Variants in SLC24A2 observed in about 807,000 individuals in gnomAD.
The protein encoded by SLC24A2 is sodium/potassium/calcium exchanger 2.
In SLC24A2, 36 loss-of-function variants were observed where a neutral mutation model predicts 62.0. The ratio of observed to expected loss-of-function variants is 0.58; its 90% CI spans 0.44 to 0.77. SLC24A2 has a LOEUF of 0.77. SLC24A2 is among the 30% of genes least tolerant of loss of function. SLC24A2 has a pLI of 0.00. For synonymous variants in SLC24A2, 358 were observed against 294.0 expected (o/e 1.22, Z -2.23); for missense variants, 846 against 817.9 (o/e 1.03, Z -0.42).
At chr9:19,535,374 A>G (rs1307549223) in intron 8 of SLC24A2, among the ~76,000 whole-genome samples, 1 of 152,156 alleles carries the variant, frequency 6.6e-6, no homozygotes, top group Admixed American at 6.5e-5. Context: ...CCAGTTGCCA[A>G]TTTTGGCTTT....
the SLC24A2 span, among the ~76,000 whole-genome samples, chr9:19,800,640 T>TA: frequency 0.04 from 6,126 of 152,274 alleles, 430 homozygotes; most frequent in African/African-American, 0.14. Flanking sequence ...ACAGTACTAC[T>TA]ACATTTACTG....
the SLC24A2 span, among the ~76,000 whole-genome samples, chr9:19,868,940 T>C: frequency 6.6e-6 from 1 of 152,116 alleles, no homozygotes; most frequent in Non-Finnish European, 1.5e-5. Context: ...GCTTTTTGAG[T>C]GGGTGTTTAG....
chr9:20,054,394 G>A, the SLC24A2 span, among the ~76,000 whole-genome samples: 1 of 152,066 alleles, frequency 6.6e-6, no homozygotes. Context: ...GTTTCACCAT[G>A]TTGGCCAGGC....
the SLC24A2 span, among the ~76,000 whole-genome samples, chr9:20,256,589 C>T: frequency 2.0e-5 from 3 of 152,154 alleles, no homozygotes; most frequent in South Asian, 4.1e-4. Context: ...CTCTTCTTCA[C>T]CTTTCTAATC....
the SLC24A2 span, among the ~76,000 whole-genome samples, chr9:20,251,721 C>A: frequency 3.9e-5 from 6 of 152,078 alleles, no homozygotes; most frequent in Non-Finnish European, 1.5e-5. Flanking sequence ...TCTTTGAAAC[C>A]AGAGATTTAG....
the SLC24A2 span, among the ~76,000 whole-genome samples, chr9:19,953,919 CTAG>C: frequency 6.6e-6 from 1 of 151,724 alleles, no homozygotes; most frequent in Admixed American, 6.6e-5. Flanking sequence ...TTATCCTGAG[CTAG>C]TAGTTTTCAC....
the SLC24A2 span, among the ~76,000 whole-genome samples, chr9:20,133,758 TTTAATTCAGGAAAATAA>T: frequency 6.6e-6 from 1 of 152,158 alleles, no homozygotes; most frequent in Non-Finnish European, 1.5e-5. Flanking sequence ...GGGTAAGTGG[TTTAATTCAGGAAAATAA>T]AACAAACAAC....
At chr9:19,953,578 C>T in the SLC24A2 span, among the ~76,000 whole-genome samples, 16 of 152,068 alleles carry the variant, frequency 1.1e-4, no homozygotes, top group Non-Finnish European at 1.9e-4. Flanking sequence ...TTTCTCAAGG[C>T]ACCTCAGATC....
At chr9:20,166,243 A>C in the SLC24A2 span, among the ~76,000 whole-genome samples, 1 of 152,002 alleles carries the variant, frequency 6.6e-6, no homozygotes, top group Non-Finnish European at 1.5e-5. Context: ...ACTATGTAGC[A>C]ATCCCAACTC....
At chr9:20,291,507 C>G in the SLC24A2 span, among the ~76,000 whole-genome samples, 1 of 152,134 alleles carries the variant, frequency 6.6e-6, no homozygotes, top group East Asian at 1.9e-4. Flanking sequence ...GGGCTCCACA[C>G]AAGAAGGATG....
intron 7 of SLC24A2, 46 bp from the exon 8 acceptor site, chr9:19,550,314 T>C: frequency 6.3e-7 from 1 of 1,594,190 alleles, no homozygotes; most frequent in Non-Finnish European, 8.6e-7. Flanking sequence ...AAAAATAAAA[T>C]GTACACAGGC....
Position 19,667,571 on chromosome 9 carries a change from C to G in SLC24A2, c.931-45272G>C, listed in dbSNP as rs1370705320. On this transcript the variant is annotated intron_variant, in intron 2 of 10. Coordinates refer to ENST00000341998, the MANE Select transcript of SLC24A2 (RefSeq NM_020344.4). ...CCTTAGAGGTCTTCTAGCCTCTAGT[C>G]TTGGAGCTCTCCCATTCATTCTCTA... 2.0e-5 allele frequency among the ~76,000 whole-genome samples: 3 copies of G among 152,258 alleles called. No homozygotes were observed. In the South Asian group the frequency reaches 6.2e-4, roughly 32 times the overall value.
intron 7 of SLC24A2, among the ~76,000 whole-genome samples, chr9:19,570,499 C>T (rs868287985): frequency 6.6e-6 from 1 of 152,156 alleles, no homozygotes. Context: ...TTACCTAACA[C>T]AAACGTTCAC....
At chr9:20,289,509 T>A in the SLC24A2 span, among the ~76,000 whole-genome samples, 5 of 152,178 alleles carry the variant, frequency 3.3e-5, no homozygotes, top group Non-Finnish European at 7.4e-5. Context: ...TTCGGATAAG[T>A]CATTAACCTC....
intron 2 of SLC24A2, among the ~76,000 whole-genome samples, chr9:19,665,299 G>C (rs1194678012): frequency 6.6e-6 from 1 of 152,184 alleles, no homozygotes; most frequent in Non-Finnish European, 1.5e-5. Context: ...GAGATGAGAA[G>C]AAACTGATGA....
chr9:20,104,906 C>A, the SLC24A2 span, among the ~76,000 whole-genome samples: 1 of 152,098 alleles, frequency 6.6e-6, no homozygotes, highest in Non-Finnish European at 1.5e-5. Context: ...CACTGGCAAA[C>A]TGGATAAAGA....
the SLC24A2 span, among the ~76,000 whole-genome samples, chr9:20,053,516 G>C: frequency 4.6e-5 from 7 of 151,898 alleles, no homozygotes; most frequent in African/African-American, 1.7e-4. Context: ...ATGAATGTTT[G>C]TGTCCTCCCC....
chr9:20,294,169 A>T, the SLC24A2 span, among the ~76,000 whole-genome samples: 1 of 151,926 alleles, frequency 6.6e-6, no homozygotes, highest in Non-Finnish European at 1.5e-5. Context: ...GCACAGCCAC[A>T]CCCTGTAGTG....
Position 19,513,335 on chromosome 9 carries a change from T to C in SLC24A2, c.*2818A>G, listed in dbSNP as rs968460519. On this transcript the variant is annotated 3_prime_UTR_variant, in exon 11 of 11. Coordinates refer to ENST00000341998, the MANE Select transcript of SLC24A2 (RefSeq NM_020344.4). ...GACCCATTGTTGAACTCTGTACACATCTCTCTGAATTTACCCTGGCTCAAC... is the reference window on the plus strand; with the variant it reads ...GACCCATTGTTGAACTCTGTACACACCTCTCTGAATTTACCCTGGCTCAAC... The C allele has an allele frequency of 1.3e-5, 2 of 151,906 alleles. No homozygotes were observed. Among genetic ancestry groups the C allele is most frequent in the Non-Finnish European group, 2.9e-5 (2 of 68,028 alleles). The allele number at this position is 151,906 out of a possible 1,614,324, so 9.4% of individuals were successfully genotyped here.
Sources: allele counts gnomAD v4.1 joint callset (sites outside exome capture counted in the v4.1 genomes callset), GRCh38; gene constraint gnomAD v4.1.1; transcripts MANE v1.5; gene names NCBI Gene and HGNC (gene_info 2026-07-23, HGNC 2026-07-21).